Variants in IL1RAPL2 observed in about 807,000 individuals in gnomAD.
The protein encoded by IL1RAPL2 is interleukin 1 receptor accessory protein like 2, also known as X-linked interleukin-1 receptor accessory protein-like 2.
In IL1RAPL2, 3 loss-of-function variants were observed where a neutral mutation model predicts 44.1. The ratio of observed to expected loss-of-function variants is 0.07; its 90% CI spans 0.03 to 0.18. The LOEUF is 0.18. Ranked by LOEUF, IL1RAPL2 falls within the 10% of genes least tolerant of loss-of-function variation. The pLI is 1.00. For synonymous variants in IL1RAPL2, 181 were observed against 178.8 expected (o/e 1.01, Z -0.10); for missense variants, 391 against 496.4 (o/e 0.79, Z 2.02).
chrX:105,526,115 T>TG (rs2036593482), intron 6 of IL1RAPL2, among the ~76,000 whole-genome samples: 1 of 112,089 alleles, frequency 8.9e-6, no homozygotes, highest in South Asian at 3.7e-4. Context: ...GCTGTGGTTC[T>TG]AAAAGAAGTA....
chrX:105,548,765 C>T (rs1178482102), intron 6 of IL1RAPL2, among the ~76,000 whole-genome samples: 1 of 111,598 alleles, frequency 9.0e-6, no homozygotes, highest in Non-Finnish European at 1.9e-5. Flanking sequence ...ATAATTGCTA[C>T]TTCATAGGTT....
intron 2 of IL1RAPL2, among the ~76,000 whole-genome samples, chrX:104,970,900 A>G (rs2030220522): frequency 8.9e-6 from 1 of 112,130 alleles, no homozygotes; most frequent in Non-Finnish European, 1.9e-5. Context: ...CACAGGCAAG[A>G]CGCTTTTACT....
At chrX:105,524,810 CT>C (rs1294666223) in intron 6 of IL1RAPL2, among the ~76,000 whole-genome samples, 2 of 110,447 alleles carry the variant, frequency 1.8e-5, no homozygotes, top group East Asian at 5.7e-4. Flanking sequence ...GCTATGTGGC[CT>C]TTGGCAAGTC....
intron 2 of IL1RAPL2, among the ~76,000 whole-genome samples, chrX:104,693,599 G>A (rs1931131589): frequency 8.9e-6 from 1 of 111,980 alleles, no homozygotes; most frequent in Non-Finnish European, 1.9e-5. Context: ...CTGGACTAAA[G>A]CACACAGATG....
intron 5 of IL1RAPL2, among the ~76,000 whole-genome samples, chrX:105,439,209 A>T (rs61559294): frequency 0.018 from 2,014 of 111,381 alleles, 51 homozygotes; most frequent in African/African-American, 0.063. Flanking sequence ...ATGGACTAAT[A>T]TAGTGTTCCT....
chrX:105,192,364 G>C (rs1388376897), intron 2 of IL1RAPL2, among the ~76,000 whole-genome samples: 2 of 111,497 alleles, frequency 1.8e-5, no homozygotes, highest in African/African-American at 6.5e-5. Context: ...CTTAACGTCA[G>C]TGTTCAATCC....
chrX:105,563,546 C>G (rs915040956), intron 6 of IL1RAPL2, among the ~76,000 whole-genome samples: 5 of 111,678 alleles, frequency 4.5e-5, no homozygotes, highest in Non-Finnish European at 9.4e-5. Flanking sequence ...CTATGTTACA[C>G]ATAGAGTCTC....
intron 2 of IL1RAPL2, among the ~76,000 whole-genome samples, chrX:105,193,408 ATATT>A (rs2033648895): frequency 8.9e-6 from 1 of 112,039 alleles, no homozygotes. Context: ...CTGTGAGAAA[ATATT>A]TATTTTCTAA....
chrX:105,085,922 A>G (rs1303759656), intron 2 of IL1RAPL2, among the ~76,000 whole-genome samples: 2 of 112,065 alleles, frequency 1.8e-5, no homozygotes, highest in Non-Finnish European at 3.8e-5. Flanking sequence ...TATATTTACT[A>G]TTCATTAAGT....
At chrX:105,367,114 TAAC>T (rs1174641765) in intron 5 of IL1RAPL2, among the ~76,000 whole-genome samples, 1 of 111,688 alleles carries the variant, frequency 9.0e-6, no homozygotes, top group African/African-American at 3.2e-5. Flanking sequence ...GATTTTGACT[TAAC>T]ATCCACATTA....
At chrX:105,026,780 AT>A (rs2031380427) in intron 2 of IL1RAPL2, among the ~76,000 whole-genome samples, 1 of 110,952 alleles carries the variant, frequency 9.0e-6, no homozygotes, top group Non-Finnish European at 1.9e-5. Context: ...CAATATACAG[AT>A]TAAATGCAAC....
intron 2 of IL1RAPL2, among the ~76,000 whole-genome samples, chrX:105,082,706 G>A (rs1288401466): frequency 1.8e-5 from 2 of 111,689 alleles, no homozygotes; most frequent in Admixed American, 9.5e-5. Flanking sequence ...TGCAGCAGAC[G>A]GGCCTGACTG....
intron 2 of IL1RAPL2, among the ~76,000 whole-genome samples, chrX:104,960,280 G>A (rs765000826): frequency 8.9e-6 from 1 of 112,055 alleles, no homozygotes; most frequent in East Asian, 2.8e-4. Context: ...ACTACCTAAG[G>A]TTTTGTTTAG....
chrX:104,823,208 G>A (rs1436528249), intron 2 of IL1RAPL2, among the ~76,000 whole-genome samples: 14 of 110,560 alleles, frequency 1.3e-4, no homozygotes, highest in African/African-American at 2.0e-4. Flanking sequence ...CCACTAACTC[G>A]TCATCTAGCA....
intron 5 of IL1RAPL2, among the ~76,000 whole-genome samples, chrX:105,374,133 A>AAAG (rs1556301611): frequency 0.02 from 2,002 of 98,524 alleles, 117 homozygotes; most frequent in African/African-American, 0.089. Context: ...AAAAAAAAAA[A>AAAG]AAAGAAAGAA....
At chrX:104,807,967 C>T (rs1343415) in intron 2 of IL1RAPL2, among the ~76,000 whole-genome samples, 3,459 of 111,555 alleles carry the variant, frequency 0.031, 142 homozygotes, top group African/African-American at 0.11. Context: ...CAATGTTGGC[C>T]GATTCCAGAA....
chrX:105,338,740 CT>C (rs2035047706), intron 5 of IL1RAPL2, among the ~76,000 whole-genome samples: 1 of 111,442 alleles, frequency 9.0e-6, no homozygotes, highest in Non-Finnish European at 1.9e-5. Context: ...CCTTCAGCAT[CT>C]TTTGCTGCCA....
At chrX:104,582,642 CTCTT>C (rs1556437238) in intron 1 of IL1RAPL2, among the ~76,000 whole-genome samples, 128 of 26,031 alleles carry the variant, frequency 4.9e-3, no homozygotes, top group East Asian at 8.2e-3. Context: ...CTTTCTTTCT[CTCTT>C]TCTTTCTTTC....
At chrX:104,947,707 G>T (rs1257431183) in intron 2 of IL1RAPL2, among the ~76,000 whole-genome samples, 1 of 111,227 alleles carries the variant, frequency 9.0e-6, no homozygotes, top group Non-Finnish European at 1.9e-5. Context: ...TGTCAGGTTT[G>T]TCAAAGATCA....
Sources: allele counts gnomAD v4.1 joint callset (sites outside exome capture counted in the v4.1 genomes callset), GRCh38; gene constraint gnomAD v4.1.1; transcripts MANE v1.5; gene names NCBI Gene and HGNC (gene_info 2026-07-23, HGNC 2026-07-21).